Variants in LRP5 observed in about 807,000 individuals in gnomAD.
LRP5 encodes the protein low-density lipoprotein receptor-related protein 5.
A neutral mutation model predicts 154.1 loss-of-function variants in LRP5; 62 were observed. The observed-to-expected ratio is 0.40, with a 90% CI of 0.33 to 0.50. The LOEUF (loss-of-function observed/expected upper bound fraction) is 0.50. Among genes scored for constraint, LRP5 ranks in the 20% least tolerant of loss-of-function variants. The pLI is 0.55. For synonymous variants in LRP5, 966 were observed against 1,011.5 expected, an observed-to-expected ratio of 0.96 and a Z score of 0.85; for missense variants, 1,915 against 2,336.7, an observed-to-expected ratio of 0.82 and a Z score of 3.72.
intron 1 of LRP5, among the ~76,000 whole-genome samples, chr11:68,339,403 A>G (rs990450320): frequency 2.0e-5 from 3 of 151,976 alleles, no homozygotes; most frequent in Non-Finnish European, 2.9e-5. Context: ...GCTGGAGTGC[A>G]GTGGTGCAAT....
At chr11:68,326,522 G>T (rs917215559) in intron 1 of LRP5, among the ~76,000 whole-genome samples, 1 of 152,118 alleles carries the variant, frequency 6.6e-6, no homozygotes, top group African/African-American at 2.4e-5. Context: ...CGCCCTGGCC[G>T]TGACGGTCAG....
intron 5 of LRP5, among the ~76,000 whole-genome samples, chr11:68,375,641 T>TCAAGC (rs2098636941): frequency 6.6e-6 from 1 of 152,152 alleles, no homozygotes; most frequent in Admixed American, 6.5e-5. Context: ...GGGACCAACA[T>TCAAGC]CGGGACCCAG....
At position 68,423,940 on chromosome 11, in the gene LRP5, C is replaced by T. The variant is rs1034824415; in HGVS notation, c.3236+243C>T. On this transcript the variant is annotated intron_variant, in intron 14 of 22. Transcript: ENST00000294304. This position sits in a 1 kb window ranked among gnomAD's most constrained non-coding sequence, Gnocchi z 4.7. Reference sequence around the variant, plus strand: ...GAGGTTACAAGGCAGCGCTGGCCGACGGGAGTTGCAGTTGATAGGTTTTGT... The same window carrying T: ...GAGGTTACAAGGCAGCGCTGGCCGATGGGAGTTGCAGTTGATAGGTTTTGT... 4.6e-5 allele frequency among the ~76,000 whole-genome samples: 7 copies of T among 152,226 alleles called. No individual in the cohort carries two copies. Among genetic ancestry groups the T allele is most frequent in the Non-Finnish European group, 7.3e-5 (5 of 68,032 alleles).
intron 1 of LRP5, among the ~76,000 whole-genome samples, chr11:68,343,382 T>TTGTG (rs371846073): frequency 6.6e-6 from 1 of 150,912 alleles, no homozygotes; most frequent in African/African-American, 2.4e-5. Flanking sequence ...GTGTGTGTGT[T>TTGTG]TGTGTGTGTG....
At chr11:68,332,291 A>C (rs1248259109) in intron 1 of LRP5, among the ~76,000 whole-genome samples, 1 of 152,222 alleles carries the variant, frequency 6.6e-6, no homozygotes, top group Non-Finnish European at 1.5e-5. Context: ...TTGTCATGCA[A>C]ATGTCAGCAG....
chr11:68,412,645 A>G (rs1481720667), intron 11 of LRP5, among the ~76,000 whole-genome samples: 1 of 146,170 alleles, frequency 6.8e-6, no homozygotes, highest in African/African-American at 2.5e-5. Context: ...ACCGTCTCCA[A>G]AAAAAAAAAA....
intron 1 of LRP5, among the ~76,000 whole-genome samples, chr11:68,336,490 C>CA (rs2098605775): frequency 6.6e-6 from 1 of 151,948 alleles, no homozygotes; most frequent in Admixed American, 6.6e-5. Flanking sequence ...TTTTTTGAGA[C>CA]AGAGTTTTGC....
At chr11:68,314,710 C>G (rs1440907508) in intron 1 of LRP5, among the ~76,000 whole-genome samples, 1 of 152,238 alleles carries the variant, frequency 6.6e-6, no homozygotes, top group African/African-American at 2.4e-5. Context: ...TCCAGGCACC[C>G]CCTCTCCCCC....
chr11:68,367,766 T>TA (rs1453606862), intron 5 of LRP5, among the ~76,000 whole-genome samples: 1 of 151,918 alleles, frequency 6.6e-6, no homozygotes. Context: ...GGCAAAGGTG[T>TA]AAAACAGGCA....
chr11:68,302,495 C>T, the LRP5 span, among the ~76,000 whole-genome samples: 1 of 152,218 alleles, frequency 6.6e-6, no homozygotes, highest in Non-Finnish European at 1.5e-5. Flanking sequence ...GACCAACTTG[C>T]TCCTGTTTGC....
At chr11:68,371,254 G>A (rs572971073) in intron 5 of LRP5, among the ~76,000 whole-genome samples, 1 of 152,184 alleles carries the variant, frequency 6.6e-6, no homozygotes, top group Non-Finnish European at 1.5e-5. Context: ...GGTGGTTCTA[G>A]AAGATCTTCC....
the LRP5 span, among the ~76,000 whole-genome samples, chr11:68,302,438 G>A: frequency 1.3e-5 from 2 of 151,916 alleles, no homozygotes; most frequent in Admixed American, 6.6e-5. Flanking sequence ...CCATGCTTGC[G>A]GGGAGGGGGC....
chr11:68,408,161 G>T (rs754849445), intron 9 of LRP5, among the ~76,000 whole-genome samples: 1 of 151,390 alleles, frequency 6.6e-6, no homozygotes, highest in Non-Finnish European at 1.5e-5. Flanking sequence ...CTGCAGCCTC[G>T]ACCTCCTGGG....
At chr11:68,381,610 G>A (rs1385006180) in intron 5 of LRP5, among the ~76,000 whole-genome samples, 3 of 152,182 alleles carry the variant, frequency 2.0e-5, no homozygotes, top group South Asian at 2.1e-4. Context: ...AGGCTCGGGC[G>A]AGGGGAAGGT....
chr11:68,374,963 C>T (rs1234632387), intron 5 of LRP5, among the ~76,000 whole-genome samples: 2 of 152,198 alleles, frequency 1.3e-5, no homozygotes, highest in African/African-American at 2.4e-5. Flanking sequence ...TGGTTTTGTC[C>T]CCTGCAGCCT....
intron 17 of LRP5, among the ~76,000 whole-genome samples, chr11:68,432,087 G>A (rs1336965099): frequency 6.6e-6 from 1 of 152,244 alleles, no homozygotes; most frequent in Non-Finnish European, 1.5e-5. Flanking sequence ...CACCTCAGCA[G>A]TGCCATCACC....
At chr11:68,415,066 G>A (rs538118219) in intron 12 of LRP5, among the ~76,000 whole-genome samples, 89 of 152,340 alleles carry the variant, frequency 5.8e-4, no homozygotes, top group African/African-American at 2.1e-3. Flanking sequence ...ACTGTAGCCC[G>A]CTGACGGTGC....
intron 18 of LRP5, among the ~76,000 whole-genome samples, chr11:68,434,954 G>A (rs2098674071): frequency 6.6e-6 from 1 of 152,248 alleles, no homozygotes. Flanking sequence ...GACCATTGGA[G>A]AATTTTATGG....
chr11:68,363,667 AAAG>A, intron 3 of LRP5, 77 bp from the exon 4 acceptor site: 3 of 1,236,408 alleles, frequency 2.4e-6, no homozygotes, highest in Admixed American at 1.9e-5. Context: ...AAAAAAAAAA[AAAG>A]AAATTAATTG....
Sources: allele counts gnomAD v4.1 joint callset (sites outside exome capture counted in the v4.1 genomes callset), GRCh38; gene constraint gnomAD v4.1.1; non-coding constraint Gnocchi (gnomAD v3.1); transcripts MANE v1.5; gene names NCBI Gene and HGNC (gene_info 2026-07-23, HGNC 2026-07-21).